KCNH8: variants seen among roughly 807,000 people sequenced by gnomAD.
KCNH8 encodes the protein voltage-gated delayed rectifier potassium channel KCNH8.
In KCNH8, 70 loss-of-function variants were observed where a neutral mutation model predicts 103.6. That is an observed-to-expected ratio of 0.68 (90% CI 0.56 to 0.82). The LOEUF is 0.82. Ranked by LOEUF, KCNH8 falls within the 40% of genes least tolerant of loss-of-function variation. The probability of loss-of-function intolerance (pLI) is 0.00; values close to 1 mark genes in which losing one functional copy is unlikely to be tolerated. For missense variants in KCNH8, 1,217 were observed against 1,329.9 expected (o/e 0.92, Z 1.32); for synonymous variants, 498 against 489.4 (o/e 1.02, Z -0.23).
intron 2 of KCNH8, among the ~76,000 whole-genome samples, chr3:19,256,051 A>G (rs1227878312): frequency 6.6e-6 from 1 of 152,118 alleles, no homozygotes; most frequent in Non-Finnish European, 1.5e-5. Context: ...GGGTTTCTCA[A>G]CCTTGCCACT....
intron 3 of KCNH8, among the ~76,000 whole-genome samples, chr3:19,288,030 C>T (rs1228400644): frequency 6.6e-6 from 1 of 152,014 alleles, no homozygotes; most frequent in Non-Finnish European, 1.5e-5. Context: ...ATCTTTGTCA[C>T]CTATTCATCA....
At chr3:19,465,364 G>C (rs2067713875) in intron 11 of KCNH8, among the ~76,000 whole-genome samples, 1 of 152,096 alleles carries the variant, frequency 6.6e-6, no homozygotes, top group Non-Finnish European at 1.5e-5. Flanking sequence ...TTACAGTATG[G>C]TTTACTGAAT....
intron 6 of KCNH8, among the ~76,000 whole-genome samples, chr3:19,393,116 T>C (rs2066463870): frequency 6.6e-6 from 1 of 151,990 alleles, no homozygotes; most frequent in Non-Finnish European, 1.5e-5. Context: ...GGGGGTTTGA[T>C]GAATGCACCT....
At chr3:19,388,119 T>C (rs1031223703) in intron 5 of KCNH8, among the ~76,000 whole-genome samples, 3 of 152,144 alleles carry the variant, frequency 2.0e-5, no homozygotes, top group African/African-American at 7.2e-5. Flanking sequence ...CCATGAAAAC[T>C]GTGGTAGATT....
chr3:19,188,357 C>T (rs144860755), intron 1 of KCNH8, among the ~76,000 whole-genome samples: 2 of 151,936 alleles, frequency 1.3e-5, no homozygotes, highest in Non-Finnish European at 2.9e-5. Flanking sequence ...CTAGCTTTTG[C>T]GGGCCATAGA....
intron 1 of KCNH8, among the ~76,000 whole-genome samples, chr3:19,151,117 G>A (rs1400996839): frequency 6.6e-6 from 1 of 150,950 alleles, no homozygotes; most frequent in Non-Finnish European, 1.5e-5. Context: ...TAGAATAATG[G>A]GTATACCATT....
chr3:19,285,031 C>T (rs2125276976), intron 3 of KCNH8, among the ~76,000 whole-genome samples: 1 of 151,966 alleles, frequency 6.6e-6, no homozygotes. Context: ...GAAAAACATT[C>T]ACAGGGCTGA....
intron 5 of KCNH8, among the ~76,000 whole-genome samples, chr3:19,379,330 A>C (rs1457959994): frequency 6.6e-6 from 1 of 152,222 alleles, no homozygotes; most frequent in African/African-American, 2.4e-5. Flanking sequence ...TAGCATTAGT[A>C]CTGACAAGCA....
At chr3:19,318,666 C>CGT (rs1559474389) in intron 3 of KCNH8, among the ~76,000 whole-genome samples, 1,093 of 68,304 alleles carry the variant, frequency 0.016, 14 homozygotes, top group East Asian at 0.1. Flanking sequence ...TGTGTGTACA[C>CGT]ACACACACAC....
chr3:19,430,228 T>C (rs9875648), intron 7 of KCNH8, among the ~76,000 whole-genome samples: 2,067 of 152,320 alleles, frequency 0.014, 31 homozygotes, highest in African/African-American at 0.045. Flanking sequence ...TAAGGAATCC[T>C]TTCCCCATTG....
intron 1 of KCNH8, among the ~76,000 whole-genome samples, chr3:19,200,480 C>T (rs2063646608): frequency 6.6e-6 from 1 of 151,240 alleles, no homozygotes; most frequent in Non-Finnish European, 1.5e-5. Context: ...AATTGTGAAG[C>T]TCTTACTACA....
chr3:19,243,019 A>G (rs1161359451), intron 1 of KCNH8, among the ~76,000 whole-genome samples: 4 of 152,178 alleles, frequency 2.6e-5, no homozygotes. Flanking sequence ...AGGTTATGCA[A>G]CCTTTCTGAG....
intron 2 of KCNH8, among the ~76,000 whole-genome samples, chr3:19,258,092 C>G (rs1231582463): frequency 6.6e-6 from 1 of 151,994 alleles, no homozygotes; most frequent in African/African-American, 2.4e-5. Context: ...CTCCTTTTAA[C>G]TTGATTACCT....
At chr3:19,209,893 A>C (rs1004868849) in intron 1 of KCNH8, among the ~76,000 whole-genome samples, 5 of 152,062 alleles carry the variant, frequency 3.3e-5, no homozygotes, top group Non-Finnish European at 5.9e-5. Flanking sequence ...TGTAGTCCCT[A>C]GGTAAGCCCT....
chr3:19,283,328 T>C (rs2064781889), intron 3 of KCNH8, among the ~76,000 whole-genome samples: 2 of 152,172 alleles, frequency 1.3e-5, no homozygotes, highest in Admixed American at 1.3e-4. Flanking sequence ...TAAATTGTGC[T>C]CAATAATATT....
Position 19,428,872 on chromosome 3 carries a change from C to T in KCNH8, c.1178-9292C>T, listed in dbSNP as rs1463970503. On this transcript the variant is annotated intron_variant, in intron 7 of 15. Transcript: ENST00000328405. ...CCGGCATCTGACACATTTCTCTCTACTCATGTTTCTCTTCTGCATTTCGCT... is the reference window on the plus strand; with the variant it reads ...CCGGCATCTGACACATTTCTCTCTATTCATGTTTCTCTTCTGCATTTCGCT... Among the ~76,000 whole-genome samples, 3 of 152,284 alleles carry T rather than the reference C, an allele frequency of 2.0e-5. No homozygotes were observed. The South Asian group carries it at 6.2e-4, about 32-fold the overall frequency.
chr3:19,444,163 G>C (rs531150843), intron 8 of KCNH8, among the ~76,000 whole-genome samples: 3 of 152,034 alleles, frequency 2.0e-5, no homozygotes, highest in Non-Finnish European at 4.4e-5. Context: ...GTAATTAAGA[G>C]TGTATGGTGT....
At chr3:19,501,761 T>G (rs550869574) in intron 11 of KCNH8, among the ~76,000 whole-genome samples, 2 of 152,306 alleles carry the variant, frequency 1.3e-5, no homozygotes, top group African/African-American at 4.8e-5. Context: ...AATTAGGTAT[T>G]GATGTGACGT....
chr3:19,228,369 C>A (rs1471576047), intron 1 of KCNH8, among the ~76,000 whole-genome samples: 1 of 152,202 alleles, frequency 6.6e-6, no homozygotes, highest in Non-Finnish European at 1.5e-5. Context: ...ACTCTAAAAT[C>A]TACATTCTTA....
Sources: gnomAD v4.1 joint callset for allele counts (sites outside exome capture counted in the v4.1 genomes callset) on GRCh38, gnomAD v4.1.1 for gene constraint, MANE v1.5 for transcripts, NCBI Gene and HGNC (gene_info 2026-07-23, HGNC 2026-07-21) for gene names.